The following ADAM10 variants were observed in gnomAD, a reference collection of about 807,000 sequenced individuals.
ADAM10 encodes disintegrin and metalloproteinase domain-containing protein 10.
A neutral mutation model predicts 90.1 loss-of-function variants in ADAM10; 17 were observed. The ratio of observed to expected loss-of-function variants is 0.19; its 90% CI spans 0.13 to 0.28. ADAM10 has a LOEUF of 0.28. ADAM10 is among the 10% of genes least tolerant of loss of function. ADAM10 has a pLI of 1.00. For missense variants in ADAM10, 610 were observed against 914.3 expected, an observed-to-expected ratio of 0.67 and a Z score of 4.29; for synonymous variants, 310 against 298.6, an observed-to-expected ratio of 1.04 and a Z score of -0.40.
At chr15:58,663,746 T>A (rs1244619958) in intron 5 of ADAM10, among the ~76,000 whole-genome samples, 1 of 152,122 alleles carries the variant, frequency 6.6e-6, no homozygotes, top group Non-Finnish European at 1.5e-5. Context: ...AAGTTTTGAT[T>A]TTCCTTACAT....
rs1257163343 is a variant in ADAM10, at chr15:58,591,359, A to T, written c.*6188T>A. 3.3e-5 allele frequency: 5 copies of T among 152,264 alleles called. No individual in the cohort carries two copies. The highest frequency in any genetic ancestry group is 1.2e-4 in the African/African-American group (5 of 41,478). 9.4% of individuals were successfully genotyped at this position (152,264 alleles called of 1,614,324 possible). A position where few individuals can be genotyped will look rare whatever the true frequency, so the allele number is the denominator to read the frequency against. On this transcript the variant is annotated 3_prime_UTR_variant, in exon 16 of 16. Transcript: ENST00000260408. Reference sequence around the variant, plus strand: ...AAAATCATTATGAATACAGGTCATTATCATGAATTACTGCTAAAATAAAAA... The same window carrying T: ...AAAATCATTATGAATACAGGTCATTTTCATGAATTACTGCTAAAATAAAAA...
At chr15:58,701,524 T>C (rs775132516) in intron 2 of ADAM10, among the ~76,000 whole-genome samples, 64 of 152,332 alleles carry the variant, frequency 4.2e-4, no homozygotes, top group Non-Finnish European at 6.0e-4. Flanking sequence ...GTAACTCTTC[T>C]ATACTGTTGA....
chr15:58,672,499 G>C (rs967522795), intron 4 of ADAM10: 1 of 152,226 alleles, frequency 6.6e-6, no homozygotes, highest in African/African-American at 2.4e-5. Context: ...GGGGGACAAG[G>C]ATGGCTATTA....
At chr15:58,708,271 C>T (rs529623373) in intron 2 of ADAM10, among the ~76,000 whole-genome samples, 10 of 152,140 alleles carry the variant, frequency 6.6e-5, no homozygotes, top group Non-Finnish European at 1.2e-4. Flanking sequence ...CTGAAACAGT[C>T]TTTCCGTCAC....
rs1199099180 is a variant in ADAM10, at chr15:58,739,538, A to AATAC, written c.55+9941_55+9942insGTAT. The stretch of plus-strand genomic sequence containing the variant: ...TCTCAAAAAAATAAATAAATAAATA[A>AATAC]ATAAATATTTTCAAAAAATAAATTC... On this transcript the variant is annotated intron_variant, in intron 1 of 15. Coordinates refer to ENST00000260408, the MANE Select transcript of ADAM10 (RefSeq NM_001110.4). Among the ~76,000 whole-genome samples the AATAC allele has an allele frequency of 6.6e-5, 10 of 151,798 alleles. 1 individual carries two copies. Among genetic ancestry groups the AATAC allele is most frequent in the Non-Finnish European group, 1.3e-4 (9 of 67,958 alleles).
intron 2 of ADAM10, among the ~76,000 whole-genome samples, chr15:58,685,284 A>G (rs1897558227): frequency 6.6e-6 from 1 of 150,966 alleles, no homozygotes; most frequent in South Asian, 2.1e-4. Context: ...ACACAGTGAA[A>G]CCCCATCTCT....
intron 10 of ADAM10, among the ~76,000 whole-genome samples, chr15:58,623,469 G>A (rs867447164): frequency 5.9e-5 from 9 of 152,096 alleles, no homozygotes; most frequent in South Asian, 4.1e-4. Context: ...GGAGGTCATC[G>A]AAGCTTCATC....
intron 11 of ADAM10, among the ~76,000 whole-genome samples, chr15:58,620,660 A>ATTTTTTTTTT (rs570842513): frequency 1.7e-5 from 1 of 59,442 alleles, no homozygotes; most frequent in Non-Finnish European, 2.3e-5. Flanking sequence ...AAGAATATGT[A>ATTTTTTTTTT]TTTTTTTTTT....
intron 1 of ADAM10, chr15:58,732,059 G>A (rs1434231646): frequency 4.6e-5 from 7 of 152,190 alleles, no homozygotes; most frequent in African/African-American, 1.7e-4. Context: ...CAGGAAGGGT[G>A]GAAAATACTT....
In ADAM10 at chr15:58,596,295, TAAATG is replaced by T. The variant is rs1273806230; in HGVS notation, c.*1247_*1251del. On this transcript the variant is annotated 3_prime_UTR_variant, in exon 16 of 16. Transcript: ENST00000260408. ...CATAGCAATAAGCCTGTTAATACAT[TAAATG>T]TTTTTGCTTTCTCTTTAAAATGCCA... 4 of 152,508 alleles carry T rather than the reference TAAATG, an allele frequency of 2.6e-5. No homozygotes were observed. Among genetic ancestry groups the T allele is most frequent in the Non-Finnish European group, 5.9e-5 (4 of 68,008 alleles). The allele number at this position is 152,508 out of a possible 1,614,324, so 9.4% of individuals were successfully genotyped here.
intron 2 of ADAM10, among the ~76,000 whole-genome samples, chr15:58,699,763 G>A (rs1898080374): frequency 6.6e-6 from 1 of 152,056 alleles, no homozygotes; most frequent in Admixed American, 6.6e-5. Context: ...GCAACACAGT[G>A]AGAGCCCATC....
intron 13 of ADAM10, 34 bp from the exon 14 acceptor site, chr15:58,610,551 C>A: frequency 6.3e-7 from 1 of 1,590,338 alleles, no homozygotes; most frequent in South Asian, 1.1e-5. Context: ...AGCTGAAGGT[C>A]AGATTCAAAT....
chr15:58,603,756 T>C (rs1014587571), intron 14 of ADAM10, among the ~76,000 whole-genome samples: 3 of 151,012 alleles, frequency 2.0e-5, no homozygotes, highest in African/African-American at 7.3e-5. Context: ...GAGCACACGA[T>C]AAAGTACAGC....
chr15:58,694,697 CAAGTA>C (rs1207774850), intron 2 of ADAM10, among the ~76,000 whole-genome samples: 2 of 148,102 alleles, frequency 1.4e-5, no homozygotes, highest in Admixed American at 6.8e-5. Flanking sequence ...TGTCTATCAA[CAAGTA>C]AAGAGAAAGA....
chr15:58,738,266 C>T (rs1184423494), intron 1 of ADAM10, among the ~76,000 whole-genome samples: 1 of 152,138 alleles, frequency 6.6e-6, no homozygotes, highest in Non-Finnish European at 1.5e-5. Flanking sequence ...CCAATGCTTC[C>T]TTTATTTGAT....
intron 11 of ADAM10, among the ~76,000 whole-genome samples, chr15:58,619,659 G>C (rs1366869930): frequency 2.0e-5 from 3 of 151,806 alleles, no homozygotes; most frequent in Non-Finnish European, 4.4e-5. Flanking sequence ...AATCCCAGCA[G>C]TTTGGGAGGC....
In ADAM10 at chr15:58,597,184, T is replaced by C. The variant is rs1254085761; in HGVS notation, c.*363A>G. On this transcript the variant is annotated 3_prime_UTR_variant, in exon 16 of 16. Transcript: ENST00000260408. Reference sequence around the variant, plus strand: ...TTGATTGGCAGTTGAAAAAAATATATTTATTTCAATTTGTGGTAAAAGTTT... The same window carrying C: ...TTGATTGGCAGTTGAAAAAAATATACTTATTTCAATTTGTGGTAAAAGTTT... 3.5e-6 allele frequency: 2 copies of C among 576,068 alleles called. No individual in the cohort carries two copies. The allele number at this position is 576,068 out of a possible 1,614,324, so 35.7% of individuals were successfully genotyped here. A position where few individuals can be genotyped will look rare whatever the true frequency, so the allele number is the denominator to read the frequency against.
intron 2 of ADAM10, among the ~76,000 whole-genome samples, chr15:58,702,074 C>A (rs1276471198): frequency 6.6e-6 from 1 of 152,014 alleles, no homozygotes; most frequent in Non-Finnish European, 1.5e-5. Flanking sequence ...CCATTGCACT[C>A]CAGACTGGGC....
At chr15:58,688,794 C>A (rs1478859228) in intron 2 of ADAM10, among the ~76,000 whole-genome samples, 19 of 99,026 alleles carry the variant, frequency 1.9e-4, no homozygotes, top group African/African-American at 8.8e-4. Flanking sequence ...ATATCTCTCT[C>A]TCTCACTGGA....
Sources: gnomAD v4.1 joint callset for allele counts (sites outside exome capture counted in the v4.1 genomes callset) on GRCh38, gnomAD v4.1.1 for gene constraint, MANE v1.5 for transcripts, NCBI Gene and HGNC (gene_info 2026-07-23, HGNC 2026-07-21) for gene names.